The following TLN2 variants were observed in gnomAD, a reference collection of about 807,000 sequenced individuals.
TLN2 encodes talin-2.
TLN2 carries 118 observed loss-of-function variants against 294.7 expected under a neutral mutation model. That is an observed-to-expected ratio of 0.40 (90% CI 0.34 to 0.47). TLN2 has a LOEUF of 0.47. Among genes scored for constraint, TLN2 ranks in the 20% least tolerant of loss-of-function variants. The pLI is 0.84. For synonymous variants in TLN2, 1,431 were observed against 1,304.5 expected (o/e 1.10, Z -2.09); for missense variants, 3,083 against 3,282.2 (o/e 0.94, Z 1.48).
rs117446256 is a variant in TLN2, at chr15:62,656,939, A to G, written c.661-832A>G. ...GCCCAGGAGGTTTGAAATGTTTACT[A>G]TTTGGCCTTTAGAGAAGTTTCCTGA... On this transcript the variant is annotated intron_variant, in intron 8 of 58. Transcript: ENST00000636159. Among the ~76,000 whole-genome samples the G allele has an allele frequency of 2.4e-4, 36 of 152,268 alleles. 1 individual carries two copies. The East Asian group carries it at 6.6e-3, about 28-fold the overall frequency.
intron 22 of TLN2, among the ~76,000 whole-genome samples, chr15:62,714,050 T>TA (rs2059607947): frequency 6.6e-6 from 1 of 151,644 alleles, no homozygotes; most frequent in Non-Finnish European, 1.5e-5. Flanking sequence ...CTTATGTTCA[T>TA]AAAAAATTAC....
chr15:62,785,477 A>T (rs1219078152), intron 45 of TLN2, among the ~76,000 whole-genome samples: 1 of 152,184 alleles, frequency 6.6e-6, no homozygotes, highest in Non-Finnish European at 1.5e-5. Context: ...AGCCTGGCCA[A>T]CATGGCGTAC....
At chr15:62,614,736 T>A (rs969474282) in intron 2 of TLN2, among the ~76,000 whole-genome samples, 1 of 152,224 alleles carries the variant, frequency 6.6e-6, no homozygotes, top group South Asian at 2.1e-4. Context: ...CTAAAAAATA[T>A]GTATGTCTTC....
chr15:62,439,933 G>T (rs1457708315), intron 1 of TLN2, among the ~76,000 whole-genome samples: 4 of 152,080 alleles, frequency 2.6e-5, no homozygotes, highest in African/African-American at 7.2e-5. Context: ...TTTTTCTAGG[G>T]ACAGGAACTC....
At chr15:62,492,543 C>CAAAAAAAA (rs35935035) in intron 1 of TLN2, among the ~76,000 whole-genome samples, 17 of 84,332 alleles carry the variant, frequency 2.0e-4, no homozygotes, top group Middle Eastern at 0.012. Context: ...GACTCTGTCT[C>CAAAAAAAA]AAAAAAAAAA....
chr15:62,762,587 A>G, intron 39 of TLN2, 134 bp downstream of exon 39: 2 of 991,174 alleles, frequency 2.0e-6, no homozygotes, highest in Non-Finnish European at 3.0e-6. Context: ...TTGGGGCCGG[A>G]AGCACTGGTC....
rs568268560 is a variant in TLN2 at position 62,446,163 on chromosome 15, C to T, written c.-238+55478C>T. Among the ~76,000 whole-genome samples the T allele has an allele frequency of 6.7e-4, 102 of 152,056 alleles. 1 individual carries two copies. Among genetic ancestry groups the T allele is most frequent in the Non-Finnish European group, 7.4e-4 (50 of 67,980 alleles). ...CTGAGACTACAGGCGCCCGCCACCACGCCCCGCTAATTTTTTGGTAGAGAC... is the reference window on the plus strand; with the variant it reads ...CTGAGACTACAGGCGCCCGCCACCATGCCCCGCTAATTTTTTGGTAGAGAC... On this transcript the variant is annotated intron_variant, in intron 1 of 58. Coordinates refer to ENST00000636159, the MANE Select transcript of TLN2 (RefSeq NM_015059.3).
chr15:62,768,625 G>C (rs908549471), intron 41 of TLN2, among the ~76,000 whole-genome samples: 1 of 152,304 alleles, frequency 6.6e-6, no homozygotes, highest in South Asian at 2.1e-4. Context: ...TGAACGTTAT[G>C]TACCAAATAC....
intron 9 of TLN2, among the ~76,000 whole-genome samples, chr15:62,667,147 T>A (rs533516386): frequency 2.0e-5 from 3 of 152,156 alleles, no homozygotes; most frequent in South Asian, 4.2e-4. Flanking sequence ...TTGTATTTTT[T>A]AGTAGAGACG....
rs547142547 is a variant in TLN2, at chr15:62,779,653, A to C, written c.5515-1487A>C. Among the ~76,000 whole-genome samples, 13 of 152,362 alleles carry C rather than the reference A, an allele frequency of 8.5e-5. No individual in the cohort carries two copies. The South Asian group carries it at 2.7e-3, about 32-fold the overall frequency. ...TGTGGGTAGTGATGTCACATCTCAC[A>C]TGCAAGCTCCTAGCATGTGGCCTGA... On this transcript the variant is annotated intron_variant, in intron 43 of 58. Transcript: ENST00000636159.
At position 62,797,369 on chromosome 15, in the gene TLN2, A is replaced by ATTTTTTAAT; in HGVS notation, c.6201_6202insTTTTTTAAT (p.Ala2067_Ala2068insPhePheAsn). 2 of 1,611,666 alleles carry ATTTTTTAAT rather than the reference A, an allele frequency of 1.2e-6. No individual in the cohort carries two copies. The highest frequency in any genetic ancestry group is 1.7e-6 in the Non-Finnish European group (2 of 1,179,210). On this transcript the variant is annotated inframe_insertion, in exon 48 of 59. Transcript: ENST00000636159. ...TCGCAGAAGTGGTCAAGCTGGGGGC[A>ATTTTTTAAT]GCCAGCCTGGGCTCCGACGACCCCG...
chr15:62,510,751 C>T (rs1457910646), intron 1 of TLN2, among the ~76,000 whole-genome samples: 4 of 152,222 alleles, frequency 2.6e-5, no homozygotes, highest in African/African-American at 4.8e-5. Flanking sequence ...TTTCTCTGCC[C>T]TGCCTGCCCC....
rs559171483 is a variant in TLN2 at position 62,843,882 on chromosome 15, A to G, written c.*3272A>G. On this transcript the variant is annotated 3_prime_UTR_variant, in exon 59 of 59. Coordinates refer to ENST00000636159, the MANE Select transcript of TLN2 (RefSeq NM_015059.3). Reference sequence around the variant, plus strand: ...AGCCTTGGTTTCCTCCCTGGCAGATAGTCCCCAGAATCTTCTCTCCCAGCT... The same window carrying G: ...AGCCTTGGTTTCCTCCCTGGCAGATGGTCCCCAGAATCTTCTCTCCCAGCT... 4 of 152,296 alleles carry G rather than the reference A, an allele frequency of 2.6e-5. No individual in the cohort carries two copies. The highest frequency in any genetic ancestry group is 9.6e-5 in the African/African-American group (4 of 41,550). 9.4% of individuals were successfully genotyped at this position (152,296 alleles called of 1,614,324 possible).
In TLN2 at chr15:62,500,726, G is replaced by A. The variant is rs372277459; in HGVS notation, c.-237-88961G>A. On this transcript the variant is annotated intron_variant, in intron 1 of 58. Transcript: ENST00000636159. ...GACATCAATGCCCACTTGGAGTTGGGCACAATGTGAAATTCCTTCTTGAGG... is the reference window on the plus strand; with the variant it reads ...GACATCAATGCCCACTTGGAGTTGGACACAATGTGAAATTCCTTCTTGAGG... Among the ~76,000 whole-genome samples the A allele has an allele frequency of 1.2e-4, 18 of 152,358 alleles. No individual in the cohort carries two copies. The South Asian group carries it at 2.3e-3, about 19-fold the overall frequency.
chr15:62,785,862 G>A (rs900366367), intron 45 of TLN2, among the ~76,000 whole-genome samples: 4 of 151,986 alleles, frequency 2.6e-5, no homozygotes, highest in African/African-American at 9.7e-5. Flanking sequence ...TTACGACAGA[G>A]ACCATTGAAC....
chr15:62,588,337 T>G (rs1157201762), intron 1 of TLN2, among the ~76,000 whole-genome samples: 1 of 152,050 alleles, frequency 6.6e-6, no homozygotes, highest in African/African-American at 2.4e-5. Flanking sequence ...TTAGTCTGTT[T>G]TTGTTACTAT....
chr15:62,626,457 T>C (rs532382801), intron 3 of TLN2, among the ~76,000 whole-genome samples: 1 of 152,334 alleles, frequency 6.6e-6, no homozygotes, highest in East Asian at 1.9e-4. Flanking sequence ...ACTACTGACT[T>C]GAATATGGAA....
intron 37 of TLN2, among the ~76,000 whole-genome samples, chr15:62,757,637 T>C (rs977423927): frequency 1.3e-5 from 2 of 152,240 alleles, no homozygotes; most frequent in African/African-American, 4.8e-5. Context: ...TGTCAAACCC[T>C]CTTTGCGATT....
intron 14 of TLN2, 82 bp from the exon 15 acceptor site, chr15:62,697,606 C>T (rs2058436203): frequency 2.1e-6 from 3 of 1,457,712 alleles, no homozygotes; most frequent in Non-Finnish European, 2.8e-6. Flanking sequence ...AAGCAGGGAA[C>T]ATACGTGACA....
Sources: gnomAD v4.1 joint callset for allele counts (sites outside exome capture counted in the v4.1 genomes callset) on GRCh38, gnomAD v4.1.1 for gene constraint, MANE v1.5 for transcripts, NCBI Gene and HGNC (gene_info 2026-07-23, HGNC 2026-07-21) for gene names.